Variants in CTDP1 observed in about 807,000 individuals in gnomAD.
CTDP1 encodes the protein CTD phosphatase 1.
CTDP1 carries 47 observed loss-of-function variants against 91.8 expected under a neutral mutation model. That is an observed-to-expected ratio of 0.51 (90% CI 0.41 to 0.65). CTDP1 has a LOEUF of 0.65. Among genes scored for constraint, CTDP1 ranks in the 30% least tolerant of loss-of-function variants. The probability of loss-of-function intolerance (pLI) is 0.00; values close to 1 mark genes in which losing one functional copy is unlikely to be tolerated. For synonymous variants in CTDP1, 656 were observed against 598.5 expected (o/e 1.10, Z -1.40); for missense variants, 1,272 against 1,373.7 (o/e 0.93, Z 1.17).
intron 5 of CTDP1, 93 bp from the exon 6 acceptor site, chr18:79,710,252 GC>G (rs1447960684): frequency 1.0e-6 from 1 of 978,274 alleles, no homozygotes. Flanking sequence ...TTGTGTGTCT[GC>G]CACTTTAAAA....
At chr18:79,704,175 ACTACTT>A (rs1180362943) in intron 4 of CTDP1, among the ~76,000 whole-genome samples, 2 of 152,216 alleles carry the variant, frequency 1.3e-5, no homozygotes, top group African/African-American at 4.8e-5. Context: ...GTGCATGGAA[ACTACTT>A]ACACAGTGGG....
At chr18:79,694,868 C>T (rs1367719639) in intron 1 of CTDP1, among the ~76,000 whole-genome samples, 1 of 152,242 alleles carries the variant, frequency 6.6e-6, no homozygotes, top group East Asian at 1.9e-4. Flanking sequence ...TATAAATTCT[C>T]TAACGGAAAT....
In CTDP1 at chr18:79,715,468, C is replaced by T. The variant is rs758577959; in HGVS notation, c.2008C>T (p.Arg670Trp). The T allele has an allele frequency of 3.6e-5, 57 of 1,584,166 alleles. No individual in the cohort carries two copies. Among genetic ancestry groups the T allele is most frequent in the Non-Finnish European group, 4.4e-5 (51 of 1,166,280 alleles). Reference protein sequence around the residue: ...ATALGAKILTRLVLSPDAPDR... With the variant: ...ATALGAKILTWLVLSPDAPDR... ...GGCGCTGGGAGCGAAGATCCTCACT[C>T]GGCTGGTGCTGAGCCCCGACGCCCC... The change falls in exon 8 of 13, where the codon CGG (arginine) becomes TGG (tryptophan). Residue 670 changes from arginine to tryptophan, a missense_variant. By Grantham distance (101) the Arg-to-Trp change is moderately radical. Coordinates refer to ENST00000613122, the MANE Select transcript of CTDP1 (RefSeq NM_004715.5).
At position 79,681,381 on chromosome 18, in the gene CTDP1, C is replaced by T. The variant is rs1434511840; in HGVS notation, c.314+1120C>T. The T allele has an allele frequency of 6.8e-6, 6 of 876,822 alleles. No homozygotes were observed. The Admixed American group carries it at 2.5e-4, about 36-fold the overall frequency. 54.3% of individuals were successfully genotyped at this position (876,822 alleles called of 1,614,324 possible). A position where few individuals can be genotyped will look rare whatever the true frequency, so the allele number is the denominator to read the frequency against. Reference sequence around the variant, plus strand: ...CACGGCTTCCTCAGTGGGCACTGGCCGTACCTGGGAGGATTGTGGAGGCAG... The same window carrying T: ...CACGGCTTCCTCAGTGGGCACTGGCTGTACCTGGGAGGATTGTGGAGGCAG... On this transcript the variant is annotated intron_variant, in intron 1 of 12. Coordinates refer to ENST00000613122, the MANE Select transcript of CTDP1 (RefSeq NM_004715.5).
chr18:79,753,884 C>T lies in CTDP1; in HGVS notation c.*94C>T. ...CCTCAGTCTCGGTCCACGCTGCTTT[C>T]TTCCCAAAGGACATGTATATTTGCA... On this transcript the variant is annotated 3_prime_UTR_variant, in exon 13 of 13. Transcript: ENST00000613122. The T allele has an allele frequency of 6.7e-7, 1 of 1,493,682 alleles. No homozygotes were observed. The highest frequency in any genetic ancestry group is 2.4e-5 in the East Asian group (1 of 40,924). The allele number at this position is 1,493,682 out of a possible 1,614,324, so 92.5% of individuals were successfully genotyped here.
intron 10 of CTDP1, among the ~76,000 whole-genome samples, chr18:79,723,848 G>A (rs1334453462): frequency 6.6e-6 from 1 of 152,192 alleles, no homozygotes. Flanking sequence ...CCGGAGTGCT[G>A]TGTACGGCAA....
rs961882078 is a variant in CTDP1 at position 79,713,349 on chromosome 18, C to T, written c.1030+211C>T. Among the ~76,000 whole-genome samples, 1 of 152,190 alleles carries T rather than the reference C, an allele frequency of 6.6e-6. No homozygotes were observed. Among genetic ancestry groups the T allele is most frequent in the Non-Finnish European group, 1.5e-5 (1 of 68,054 alleles). On this transcript the variant is annotated intron_variant, in intron 7 of 12. Coordinates refer to ENST00000613122, the MANE Select transcript of CTDP1 (RefSeq NM_004715.5). This position sits in a 1 kb window ranked among gnomAD's most constrained non-coding sequence, Gnocchi z 4.7. ...TGGGCTTTAAAAAAAATGGCCCTCA[C>T]TTAAGCGTTTTCCCAGTTGAATAAA...
At chr18:79,744,893 G>T (rs902215020) in intron 12 of CTDP1, among the ~76,000 whole-genome samples, 5 of 152,242 alleles carry the variant, frequency 3.3e-5, no homozygotes, top group Non-Finnish European at 5.9e-5. Flanking sequence ...GGGTCTTGAG[G>T]AAGAGCAGGC....
chr18:79,750,639 G>A (rs981102836), intron 12 of CTDP1, among the ~76,000 whole-genome samples: 1 of 146,422 alleles, frequency 6.8e-6, no homozygotes, highest in Admixed American at 6.9e-5. Context: ...GACTACAGGT[G>A]CCCACCACCA....
intron 10 of CTDP1, among the ~76,000 whole-genome samples, chr18:79,718,537 C>T (rs1356921630): frequency 1.3e-5 from 2 of 152,170 alleles, no homozygotes; most frequent in Admixed American, 6.5e-5. Context: ...CGTTGGTAGC[C>T]GGGATCTGTG....
intron 8 of CTDP1, 117 bp downstream of exon 8, chr18:79,715,645 A>T: frequency 1.8e-6 from 2 of 1,119,126 alleles, no homozygotes; most frequent in Non-Finnish European, 2.5e-6. Context: ...CATTTCCCAG[A>T]ATCACCATCT....
chr18:79,704,616 TC>T (rs2085927976), intron 4 of CTDP1, 150 bp from the exon 5 acceptor site: 2 of 989,534 alleles, frequency 2.0e-6, no homozygotes, highest in Admixed American at 3.9e-5. Flanking sequence ...CCGTGTGTCT[TC>T]AGGACGCCTG....
chr18:79,748,531 C>T (rs868265848), intron 12 of CTDP1, among the ~76,000 whole-genome samples: 6 of 152,214 alleles, frequency 3.9e-5, no homozygotes, highest in Non-Finnish European at 1.5e-5. Context: ...GCGTGGAGGA[C>T]GTTTCTCAGC....
chr18:79,682,374 G>A (rs1332312248), intron 1 of CTDP1, among the ~76,000 whole-genome samples: 2 of 152,242 alleles, frequency 1.3e-5, no homozygotes, highest in East Asian at 3.8e-4. Context: ...GATGGGAGTA[G>A]CGCCCTGCAG....
intron 1 of CTDP1, among the ~76,000 whole-genome samples, chr18:79,686,033 T>C (rs893353080): frequency 6.6e-6 from 1 of 152,244 alleles, no homozygotes; most frequent in Non-Finnish European, 1.5e-5. Context: ...AACGTTTTGC[T>C]TTGTTTTTCC....
upstream of CTDP1, chr18:79,679,542 G>A (rs760881207): frequency 4.3e-5 from 20 of 460,260 alleles, no homozygotes; most frequent in Admixed American, 2.8e-4. Context: ...TCTGTCCGCG[G>A]TGCACGCCGG....
intron 11 of CTDP1, among the ~76,000 whole-genome samples, chr18:79,730,043 C>T (rs1253807947): frequency 6.6e-6 from 1 of 152,214 alleles, no homozygotes; most frequent in South Asian, 2.1e-4. Flanking sequence ...CAGAAAAATG[C>T]AGATAGTTCT....
chr18:79,685,654 T>C (rs2085479393), intron 1 of CTDP1: 1 of 152,164 alleles, frequency 6.6e-6, no homozygotes, highest in Non-Finnish European at 1.5e-5. Flanking sequence ...CTCTGAGAAA[T>C]AGTAATACAG....
intron 12 of CTDP1, 46 bp downstream of exon 12, chr18:79,736,567 G>T (rs1267868716): frequency 3.8e-5 from 56 of 1,486,866 alleles, no homozygotes; most frequent in Non-Finnish European, 5.0e-5. Context: ...CGGGCTCCCG[G>T]AGGTGACTCT....
Sources: gnomAD v4.1 joint callset for allele counts (sites outside exome capture counted in the v4.1 genomes callset) on GRCh38, gnomAD v4.1.1 for gene constraint, Gnocchi (gnomAD v3.1) non-coding constraint, MANE v1.5 for transcripts, NCBI Gene and HGNC (gene_info 2026-07-23, HGNC 2026-07-21) for gene names.